Variants in ERBB4 observed in about 807,000 individuals in gnomAD.
ERBB4 encodes erb-b2 receptor tyrosine kinase 4, also known as receptor tyrosine-protein kinase erbB-4.
ERBB4 carries 42 observed loss-of-function variants against 158.0 expected under a neutral mutation model. The observed-to-expected ratio is 0.27, with a 90% CI of 0.21 to 0.34. The LOEUF (loss-of-function observed/expected upper bound fraction) is 0.34. ERBB4 is among the 10% of genes least tolerant of loss of function. ERBB4 has a pLI of 1.00. For synonymous variants in ERBB4, 583 were observed against 558.7 expected (o/e 1.04, Z -0.61); for missense variants, 1,333 against 1,624.1 (o/e 0.82, Z 3.08).
At chr2:211,442,176 CACTT>C (rs1310407801) in intron 20 of ERBB4, among the ~76,000 whole-genome samples, 1 of 152,070 alleles carries the variant, frequency 6.6e-6, no homozygotes, top group Non-Finnish European at 1.5e-5. Context: ...TTTGCCTTTA[CACTT>C]ACTATTTCCT....
chr2:212,067,014 A>G, intron 2 of ERBB4, among the ~76,000 whole-genome samples: 1 of 152,106 alleles, frequency 6.6e-6, no homozygotes, highest in South Asian at 2.1e-4. Context: ...TAGCTTTTAT[A>G]TTTGAAACAT....
At chr2:212,079,852 CAGAT>C (rs144350836) in intron 2 of ERBB4, among the ~76,000 whole-genome samples, 168 of 152,046 alleles carry the variant, frequency 1.1e-3, no homozygotes, top group Middle Eastern at 3.4e-3. Flanking sequence ...CTATTTTATT[CAGAT>C]AGATAGATAG....
intron 1 of ERBB4, among the ~76,000 whole-genome samples, chr2:212,428,625 C>T (rs999582881): frequency 6.6e-6 from 1 of 152,072 alleles, no homozygotes; most frequent in South Asian, 2.1e-4. Flanking sequence ...GCTAATAATA[C>T]CACATTGTAT....
chr2:211,581,499 AT>A (rs1240911269), intron 19 of ERBB4, among the ~76,000 whole-genome samples: 2 of 152,134 alleles, frequency 1.3e-5, no homozygotes, highest in African/African-American at 4.8e-5. Context: ...CAAAAATACA[AT>A]AAAAAACTAT....
At chr2:212,256,017 TG>T (rs5838312) in intron 1 of ERBB4, among the ~76,000 whole-genome samples, 10,436 of 142,040 alleles carry the variant, frequency 0.073, 620 homozygotes, top group African/African-American at 0.16. Context: ...TTTTTACAAA[TG>T]GGGGGGGGTC....
At chr2:211,843,129 A>G (rs2077511353) in intron 3 of ERBB4, among the ~76,000 whole-genome samples, 1 of 152,178 alleles carries the variant, frequency 6.6e-6, no homozygotes, top group South Asian at 2.1e-4. Context: ...CTAATTAAAG[A>G]ACATGGAGTA....
chr2:211,433,377 C>A (rs1227062894), intron 20 of ERBB4, among the ~76,000 whole-genome samples: 1 of 151,668 alleles, frequency 6.6e-6, no homozygotes, highest in Non-Finnish European at 1.5e-5. Context: ...GTCAGGAGAT[C>A]GAGACCATCC....
Position 211,544,720 on chromosome 2 carries a change from C to T in ERBB4, c.2487+17183G>A, listed in dbSNP as rs151228726. ...TTTAAACATATAATAGTATCAATCT[C>T]ATAACTTTGTTGTAAGAATTAAGAG... On this transcript the variant is annotated intron_variant, in intron 20 of 27. Transcript: ENST00000342788. 1.8e-3 allele frequency among the ~76,000 whole-genome samples: 279 copies of T among 152,164 alleles called. 1 individual carries two copies. The highest frequency in any genetic ancestry group is 6.0e-3 in the African/African-American group (251 of 41,550).
At chr2:211,929,701 A>C (rs886780934) in intron 3 of ERBB4, among the ~76,000 whole-genome samples, 4 of 152,202 alleles carry the variant, frequency 2.6e-5, no homozygotes, top group Non-Finnish European at 5.9e-5. Flanking sequence ...TGAATAGAGA[A>C]ATAGAATTAT....
intron 2 of ERBB4, among the ~76,000 whole-genome samples, chr2:212,033,892 T>C (rs1490368348): frequency 6.6e-6 from 1 of 151,928 alleles, no homozygotes; most frequent in African/African-American, 2.4e-5. Context: ...TATAATGAAA[T>C]AGTATAAGGA....
chr2:211,387,441 G>A (rs966097412), intron 26 of ERBB4, among the ~76,000 whole-genome samples: 1 of 152,058 alleles, frequency 6.6e-6, no homozygotes, highest in African/African-American at 2.4e-5. Flanking sequence ...TCCCACAAGT[G>A]CCTATATTTA....
chr2:212,353,106 A>C (rs2089322312), intron 1 of ERBB4, among the ~76,000 whole-genome samples: 1 of 152,024 alleles, frequency 6.6e-6, no homozygotes, highest in South Asian at 2.1e-4. Flanking sequence ...TTTCTGTGTC[A>C]AATGCAGCCG....
chr2:211,538,802 C>T (rs529756879), intron 20 of ERBB4, among the ~76,000 whole-genome samples: 22 of 151,900 alleles, frequency 1.4e-4, no homozygotes, highest in African/African-American at 5.1e-4. Context: ...ATCTGTGATT[C>T]CCCATGTATG....
intron 2 of ERBB4, among the ~76,000 whole-genome samples, chr2:212,078,259 T>G (rs902141868): frequency 6.6e-6 from 1 of 152,054 alleles, no homozygotes; most frequent in Non-Finnish European, 1.5e-5. Context: ...TGTTTTAGTT[T>G]CATTTTTGTT....
chr2:211,419,154 G>A (rs1574454526), intron 25 of ERBB4, among the ~76,000 whole-genome samples: 1 of 150,404 alleles, frequency 6.6e-6, no homozygotes, highest in Admixed American at 6.6e-5. Context: ...AACCTACAGT[G>A]TAGTAGGCAG....
chr2:212,419,912 T>C (rs904182841), intron 1 of ERBB4, among the ~76,000 whole-genome samples: 3 of 151,974 alleles, frequency 2.0e-5, no homozygotes, highest in Non-Finnish European at 4.4e-5. Flanking sequence ...TAAAATATAA[T>C]CTCTACTTGT....
At chr2:211,854,855 T>C (rs2077812663) in intron 3 of ERBB4, among the ~76,000 whole-genome samples, 1 of 152,154 alleles carries the variant, frequency 6.6e-6, no homozygotes, top group Non-Finnish European at 1.5e-5. Context: ...TGTAAATTTC[T>C]TTTGAATATA....
Position 211,978,396 on chromosome 2 carries a change from G to GTCTGTCTGTCTATCTATCTA in ERBB4, c.235-30781_235-30780insTAGATAGATAGACAGACAGA, listed in dbSNP as rs77259627. Among the ~76,000 whole-genome samples, 298 of 136,632 alleles carry GTCTGTCTGTCTATCTATCTA rather than the reference G, an allele frequency of 2.2e-3. 1 individual carries two copies. Among genetic ancestry groups the GTCTGTCTGTCTATCTATCTA allele is most frequent in the African/African-American group, 6.5e-3 (229 of 35,264 alleles). 89.6% of individuals were successfully genotyped at this position (136,632 alleles called of 152,430 possible). On this transcript the variant is annotated intron_variant, in intron 2 of 27. Coordinates refer to ENST00000342788, the MANE Select transcript of ERBB4 (RefSeq NM_005235.3). ...TGTCTGTCTGTCTGTCTGTCTGTCT[G>GTCTGTCTGTCTATCTATCTA]TCTATCTATCTATCTATCTATCTAT...
intron 1 of ERBB4, among the ~76,000 whole-genome samples, chr2:212,512,619 TCA>T (rs1250427737): frequency 6.6e-6 from 1 of 152,174 alleles, no homozygotes; most frequent in East Asian, 1.9e-4. Context: ...TGCAAAATTC[TCA>T]GTTTTAAAAA....
Sources: gnomAD v4.1 joint callset for allele counts (sites outside exome capture counted in the v4.1 genomes callset) on GRCh38, gnomAD v4.1.1 for gene constraint, MANE v1.5 for transcripts, NCBI Gene and HGNC (gene_info 2026-07-23, HGNC 2026-07-21) for gene names.